The following TMTC2 variants were observed in gnomAD, a reference collection of about 807,000 sequenced individuals.
TMTC2 encodes the protein transmembrane O-mannosyltransferase targeting cadherins 2.
In TMTC2, 43 loss-of-function variants were observed where a neutral mutation model predicts 82.4. That is an observed-to-expected ratio of 0.52 (90% CI 0.41 to 0.67). The LOEUF is 0.67. TMTC2 is among the 30% of genes least tolerant of loss of function. TMTC2 has a pLI of 0.00. For missense variants in TMTC2, 919 were observed against 1,012.4 expected (o/e 0.91, Z 1.25); for synonymous variants, 408 against 381.9 (o/e 1.07, Z -0.80).
chr12:83,057,707 T>C (rs1882596883), intron 10 of TMTC2, among the ~76,000 whole-genome samples: 1 of 150,936 alleles, frequency 6.6e-6, no homozygotes, highest in Non-Finnish European at 1.5e-5. Context: ...TGAACAACAA[T>C]CTCTCTCCAG....
chr12:82,837,850 G>A (rs1194410133), intron 1 of TMTC2, among the ~76,000 whole-genome samples: 1 of 152,114 alleles, frequency 6.6e-6, no homozygotes, highest in African/African-American at 2.4e-5. Flanking sequence ...ATTATACATG[G>A]GGGCAAATGG....
intron 1 of TMTC2, among the ~76,000 whole-genome samples, chr12:82,828,080 A>T (rs1230031980): frequency 6.6e-6 from 1 of 151,476 alleles, no homozygotes; most frequent in Non-Finnish European, 1.5e-5. Context: ...TTTAGTAGAG[A>T]CTGGGTTTCA....
At chr12:82,817,623 A>G (rs887641351) in intron 1 of TMTC2, among the ~76,000 whole-genome samples, 11 of 152,150 alleles carry the variant, frequency 7.2e-5, no homozygotes, top group African/African-American at 2.7e-4. Flanking sequence ...ACTGTTATTC[A>G]TTAGGTCATT....
At chr12:82,815,456 G>C (rs1200373920) in intron 1 of TMTC2, among the ~76,000 whole-genome samples, 1 of 151,514 alleles carries the variant, frequency 6.6e-6, no homozygotes, top group Non-Finnish European at 1.5e-5. Flanking sequence ...GACTACAGGC[G>C]CCCGCCACCA....
At chr12:82,885,851 C>T (rs1415798201) in intron 2 of TMTC2, among the ~76,000 whole-genome samples, 1 of 152,160 alleles carries the variant, frequency 6.6e-6, no homozygotes, top group East Asian at 1.9e-4. Flanking sequence ...TCTTCCCACC[C>T]AACCAGTTCA....
At chr12:82,999,236 T>C (rs1314046265) in intron 8 of TMTC2, among the ~76,000 whole-genome samples, 1 of 152,170 alleles carries the variant, frequency 6.6e-6, no homozygotes, top group Non-Finnish European at 1.5e-5. Flanking sequence ...GGAGTAAAGG[T>C]CATATATTTT....
intron 2 of TMTC2, among the ~76,000 whole-genome samples, chr12:82,882,777 G>C (rs559308479): frequency 6.6e-6 from 1 of 151,982 alleles, no homozygotes; most frequent in Non-Finnish European, 1.5e-5. Context: ...ATAGTCTAGG[G>C]TGCGTGCAGT....
intron 7 of TMTC2, among the ~76,000 whole-genome samples, chr12:82,967,483 A>G (rs1878265312): frequency 6.6e-6 from 1 of 152,100 alleles, no homozygotes; most frequent in African/African-American, 2.4e-5. Flanking sequence ...AAAATTGCCT[A>G]ATTCTTATTA....
intron 7 of TMTC2, among the ~76,000 whole-genome samples, chr12:82,973,578 A>G (rs1878539076): frequency 6.6e-6 from 1 of 152,188 alleles, no homozygotes; most frequent in African/African-American, 2.4e-5. Context: ...AGTTTTTAAA[A>G]TATATTTTTC....
intron 3 of TMTC2, among the ~76,000 whole-genome samples, chr12:82,929,755 G>T (rs1875926508): frequency 6.6e-6 from 1 of 152,102 alleles, no homozygotes; most frequent in South Asian, 2.1e-4. Context: ...GCAATTATTG[G>T]TGCTGTGCCT....
chr12:82,794,915 T>C (rs538316986), intron 1 of TMTC2, among the ~76,000 whole-genome samples: 1 of 152,246 alleles, frequency 6.6e-6, no homozygotes, highest in Admixed American at 6.5e-5. Context: ...GTGATGCTAA[T>C]AGAAATCCTT....
intron 7 of TMTC2, among the ~76,000 whole-genome samples, chr12:82,980,755 A>G (rs929058110): frequency 1.3e-5 from 2 of 151,898 alleles, no homozygotes. Context: ...TGTTGTCCGC[A>G]TGTCAGTCAC....
chr12:83,094,615 C>G (rs1883960829), intron 11 of TMTC2, among the ~76,000 whole-genome samples: 1 of 151,954 alleles, frequency 6.6e-6, no homozygotes, highest in African/African-American at 2.4e-5. Flanking sequence ...TTCAGTATTC[C>G]AGGTGAAAAA....
chr12:82,886,007 A>AT (rs1592601608), intron 2 of TMTC2, among the ~76,000 whole-genome samples: 1 of 152,208 alleles, frequency 6.6e-6, no homozygotes, highest in Non-Finnish European at 1.5e-5. Flanking sequence ...TCATTTATTT[A>AT]TTTTTTGTAT....
chr12:82,962,619 A>G (rs1263440428), intron 4 of TMTC2, among the ~76,000 whole-genome samples: 1 of 151,974 alleles, frequency 6.6e-6, no homozygotes, highest in Non-Finnish European at 1.5e-5. Context: ...GGTGGGAGAT[A>G]CTGATTTCAT....
intron 4 of TMTC2, among the ~76,000 whole-genome samples, chr12:82,950,000 A>C (rs967309525): frequency 1.1e-4 from 17 of 152,216 alleles, no homozygotes; most frequent in African/African-American, 3.4e-4. Context: ...TGTATAAATA[A>C]GAAAAGAAGA....
chr12:82,722,562 ATCTC>A (rs2136928295), intron 1 of TMTC2, among the ~76,000 whole-genome samples: 1 of 67,992 alleles, frequency 1.5e-5, no homozygotes, highest in Admixed American at 1.7e-4. Context: ...GTGAGACTCC[ATCTC>A]AAAAAAAAAA....
At chr12:83,053,193 A>G (rs1021492302) in intron 10 of TMTC2, among the ~76,000 whole-genome samples, 1 of 152,036 alleles carries the variant, frequency 6.6e-6, no homozygotes, top group Non-Finnish European at 1.5e-5. Context: ...TTAATGTTAC[A>G]TGTAAATTTT....
At chr12:83,119,386 T>C (rs1225480914) in intron 11 of TMTC2, among the ~76,000 whole-genome samples, 1 of 152,196 alleles carries the variant, frequency 6.6e-6, no homozygotes, top group Non-Finnish European at 1.5e-5. Context: ...TTTTTATCTT[T>C]ATTTCATTTT....
Sources: gnomAD v4.1 joint callset for allele counts (sites outside exome capture counted in the v4.1 genomes callset) on GRCh38, gnomAD v4.1.1 for gene constraint, MANE v1.5 for transcripts, NCBI Gene and HGNC (gene_info 2026-07-23, HGNC 2026-07-21) for gene names.